The following SLC66A2 variants were observed in gnomAD, a reference collection of about 807,000 sequenced individuals.
SLC66A2 encodes PQ loop repeat containing 1.
SLC66A2 carries 23 observed loss-of-function variants against 25.5 expected under a neutral mutation model. The observed-to-expected ratio is 0.90, with a 90% CI of 0.65 to 1.28. The LOEUF is 1.28. SLC66A2 is among the 50% of genes most tolerant of loss of function. SLC66A2 has a pLI of 0.00. For synonymous variants in SLC66A2, 193 were observed against 166.5 expected (o/e 1.16, Z -1.23); for missense variants, 396 against 373.1 (o/e 1.06, Z -0.51).
chr18:79,936,802 A>T (rs957422163), intron 3 of SLC66A2, among the ~76,000 whole-genome samples: 1 of 152,168 alleles, frequency 6.6e-6, no homozygotes, highest in Non-Finnish European at 1.5e-5. Context: ...CAGCGACCTG[A>T]CCTCCGTTCC....
At chr18:79,922,456 C>G (rs1314218996) in intron 4 of SLC66A2, among the ~76,000 whole-genome samples, 1 of 152,110 alleles carries the variant, frequency 6.6e-6, no homozygotes, top group Non-Finnish European at 1.5e-5. Context: ...ACAGAGACCA[C>G]TCCTAGGACA....
intron 4 of SLC66A2, among the ~76,000 whole-genome samples, chr18:79,923,675 T>C (rs1357099493): frequency 6.6e-6 from 1 of 152,046 alleles, no homozygotes; most frequent in Non-Finnish European, 1.5e-5. Flanking sequence ...AGACATTGGA[T>C]TTGTCAATGA....
At position 79,937,164 on chromosome 18, in the gene SLC66A2, A is replaced by G. The variant is rs1449022159; in HGVS notation, c.338-3142T>C. On this transcript the variant is annotated intron_variant, in intron 3 of 5. Transcript: ENST00000397778. The surrounding 1 kb of genome is among the most constrained non-coding windows in gnomAD (Gnocchi z 5.4). The stretch of plus-strand genomic sequence containing the variant: ...TCAACCTGTAGGCCAACCCTCACAC[A>G]TGCCTAGGCCGTGGTCTCCAAACAC... Among the ~76,000 whole-genome samples the G allele has an allele frequency of 6.6e-6, 1 of 152,216 alleles. No homozygotes were observed. Among genetic ancestry groups the G allele is most frequent in the African/African-American group, 2.4e-5 (1 of 41,450 alleles).
chr18:79,948,790 T>A (rs2051018590), intron 2 of SLC66A2, among the ~76,000 whole-genome samples: 1 of 152,154 alleles, frequency 6.6e-6, no homozygotes, highest in African/African-American at 2.4e-5. Context: ...TGAAGACGAG[T>A]GCAGCGCTCC....
rs1599461895 is a variant in SLC66A2 at position 79,903,890 on chromosome 18, G to A, written c.*86C>T. On this transcript the variant is annotated 3_prime_UTR_variant, in exon 6 of 6. Coordinates refer to ENST00000397778, the MANE Select transcript of SLC66A2 (RefSeq NM_025078.5). ...GCCCCATCTCTGCCACACCTGCAGGGGCCACAGCACCCACCCTCCCCGCGG... is the reference window on the plus strand; with the variant it reads ...GCCCCATCTCTGCCACACCTGCAGGAGCCACAGCACCCACCCTCCCCGCGG... The A allele has an allele frequency of 1.6e-6, 2 of 1,266,244 alleles. No homozygotes were observed. Among genetic ancestry groups the A allele is most frequent in the Middle Eastern group, 2.6e-4 (1 of 3,800 alleles). The allele number at this position is 1,266,244 out of a possible 1,614,324, so 78.4% of individuals were successfully genotyped here.
intron 5 of SLC66A2, chr18:79,915,750 C>T (rs1245037919): frequency 6.6e-6 from 1 of 152,196 alleles, no homozygotes; most frequent in Non-Finnish European, 1.5e-5. Flanking sequence ...GCTTGGCACT[C>T]ACCCAGGGAG....
At chr18:79,943,570 G>GC in intron 2 of SLC66A2, 108 bp from the exon 3 acceptor site, 1 of 1,320,292 alleles carries the variant, frequency 7.6e-7, no homozygotes, top group Non-Finnish European at 1.0e-6. Context: ...CACCCACGCC[G>GC]CCCCTCCCAG....
chr18:79,934,604 C>T (rs964684902), intron 3 of SLC66A2, among the ~76,000 whole-genome samples: 4 of 152,246 alleles, frequency 2.6e-5, no homozygotes, highest in African/African-American at 7.2e-5. Flanking sequence ...GGGCCCAGCA[C>T]TGGCAATGAC....
chr18:79,912,321 G>A (rs144718624), intron 5 of SLC66A2, among the ~76,000 whole-genome samples: 1,791 of 152,260 alleles, frequency 0.012, 27 homozygotes, highest in South Asian at 0.049. Context: ...CAGCATAAAC[G>A]TTAAACAACC....
At chr18:79,923,052 C>A (rs1350781352) in intron 4 of SLC66A2, among the ~76,000 whole-genome samples, 1 of 151,582 alleles carries the variant, frequency 6.6e-6, no homozygotes, top group Non-Finnish European at 1.5e-5. Flanking sequence ...GGCATCCGAG[C>A]TGGAAAGGGG....
intron 5 of SLC66A2, among the ~76,000 whole-genome samples, chr18:79,908,227 G>A (rs989707722): frequency 6.6e-6 from 1 of 151,972 alleles, no homozygotes; most frequent in Non-Finnish European, 1.5e-5. Context: ...ACTTTTTTTA[G>A]TATTTCCTGT....
At chr18:79,930,171 T>A (rs1045612180) in intron 4 of SLC66A2, 1 of 152,092 alleles carries the variant, frequency 6.6e-6, no homozygotes, top group Non-Finnish European at 1.5e-5. Context: ...ATGATGAATG[T>A]CAAAAAACAA....
intron 4 of SLC66A2, among the ~76,000 whole-genome samples, chr18:79,922,288 A>AG (rs1395455716): frequency 6.6e-6 from 1 of 151,718 alleles, no homozygotes; most frequent in African/African-American, 2.4e-5. Context: ...AAAAGAAAAA[A>AG]AAAAAAAAAA....
intron 5 of SLC66A2, among the ~76,000 whole-genome samples, chr18:79,909,085 G>A (rs1196056004): frequency 6.6e-6 from 1 of 152,230 alleles, no homozygotes; most frequent in Non-Finnish European, 1.5e-5. Context: ...AGTGAGATGT[G>A]AGTCTTCCAT....
intron 1 of SLC66A2, 70 bp from the exon 2 acceptor site, chr18:79,951,095 A>G: frequency 2.7e-6 from 1 of 367,348 alleles, no homozygotes; most frequent in Non-Finnish European, 4.6e-6. Context: ...ACCCGACCCG[A>G]CCCGCGCCAG....
chr18:79,927,400 C>A lies in SLC66A2; in HGVS notation c.391+6569G>T, dbSNP rs1406020178. Among the ~76,000 whole-genome samples, 1 of 152,100 alleles carries A rather than the reference C, an allele frequency of 6.6e-6. No homozygotes were observed. The highest frequency in any genetic ancestry group is 1.9e-4 in the East Asian group (1 of 5,198). On this transcript the variant is annotated intron_variant, in intron 4 of 5. Transcript: ENST00000397778. This position sits in a 1 kb window ranked among gnomAD's most constrained non-coding sequence, Gnocchi z 6.2. The stretch of plus-strand genomic sequence containing the variant: ...TCAGGAGAGCACAGACAAGAGGCCC[C>A]CGAGGCCACCAGGGCCGACTTTTAC...
Position 79,904,201 on chromosome 18 carries a change from G to C in SLC66A2, c.609-18C>G. ...TCTTGATGCTGTGGAGACACAAGCA[G>C]GCGGTCAGCGGTGGGGAGGGCGGCG... On this transcript the variant is annotated intron_variant, in intron 5 of 5. Transcript: ENST00000397778. This position sits in a 1 kb window ranked among gnomAD's most constrained non-coding sequence, Gnocchi z 6.3. The C allele has an allele frequency of 6.2e-7, 1 of 1,611,164 alleles. No individual in the cohort carries two copies. Among genetic ancestry groups the C allele is most frequent in the Non-Finnish European group, 8.5e-7 (1 of 1,178,484 alleles).
At chr18:79,942,296 G>A (rs1049612694) in intron 3 of SLC66A2, among the ~76,000 whole-genome samples, 4 of 152,294 alleles carry the variant, frequency 2.6e-5, no homozygotes, top group Middle Eastern at 3.4e-3. Context: ...CAGAAAAGAC[G>A]CTGGAGCTCA....
At chr18:79,916,459 C>T (rs1035321629) in intron 5 of SLC66A2, among the ~76,000 whole-genome samples, 2 of 152,232 alleles carry the variant, frequency 1.3e-5, no homozygotes, top group African/African-American at 4.8e-5. Context: ...AGGGTCCTGC[C>T]GACATCCTGG....
Sources: gnomAD v4.1 joint callset for allele counts (sites outside exome capture counted in the v4.1 genomes callset) on GRCh38, gnomAD v4.1.1 for gene constraint, Gnocchi (gnomAD v3.1) non-coding constraint, MANE v1.5 for transcripts, NCBI Gene and HGNC (gene_info 2026-07-23, HGNC 2026-07-21) for gene names.